Variants in CDKN2A observed in about 807,000 individuals in gnomAD.
The protein encoded by CDKN2A is cyclin-dependent kinase inhibitor 2A.
Under a neutral mutation model 11.1 loss-of-function variants are expected in CDKN2A, and 3 were observed. That is an observed-to-expected ratio of 0.27 (90% CI 0.12 to 0.70). The LOEUF is 0.70. CDKN2A is among the 30% of genes least tolerant of loss of function. CDKN2A has a pLI of 0.77. For synonymous variants in CDKN2A, 122 were observed against 108.1 expected, an observed-to-expected ratio of 1.13 and a Z score of -0.80; for missense variants, 265 against 233.6, an observed-to-expected ratio of 1.13 and a Z score of -0.88.
In CDKN2A at chr9:21,992,335, G is replaced by A. The variant is rs146277738; in HGVS notation, c.-4+1547C>T. On this transcript the variant is annotated intron_variant, in intron 2 of 3. Transcript: ENST00000494262. ...ATTACATATCATTATAATTAACACC[G>A]CTAGATTTTATATTATGTATATCAT... 74 of 882,884 alleles carry A rather than the reference G, an allele frequency of 8.4e-5. No individual in the cohort carries two copies. The East Asian group carries it at 6.9e-3, about 83-fold the overall frequency. 54.7% of individuals were successfully genotyped at this position (882,884 alleles called of 1,614,324 possible).
At chr9:21,970,472 G>C in intron 2 of CDKN2A, 1 of 401,244 alleles carries the variant, frequency 2.5e-6, no homozygotes, top group Non-Finnish European at 4.5e-6. Flanking sequence ...ACGCACAATT[G>C]GGTTTGGAAA....
At chr9:21,973,601 A>G (rs1022097252) in intron 1 of CDKN2A, among the ~76,000 whole-genome samples, 2 of 152,150 alleles carry the variant, frequency 1.3e-5, no homozygotes, top group African/African-American at 4.8e-5. Context: ...ATCCTCCCCT[A>G]ACTCCCTCAC....
chr9:21,968,798 T>C lies in CDKN2A; in HGVS notation c.458-556A>G. On this transcript the variant is annotated intron_variant, in intron 2 of 2. Transcript: ENST00000304494. This position sits in a 1 kb window ranked among gnomAD's most constrained non-coding sequence, Gnocchi z 4.7. ...TGAAACAAAATGGATGCTCATTTAT[T>C]CATGTGCTCTGGCTTCTGCCTTCCT... 1.3e-6 allele frequency: 2 copies of C among 1,535,630 alleles called. No homozygotes were observed. Among genetic ancestry groups the C allele is most frequent in the Non-Finnish European group, 8.7e-7 (1 of 1,146,442 alleles).
rs1820423250 is a variant in CDKN2A at position 21,991,290 on chromosome 9, C to T, written c.-4+2592G>A. On this transcript the variant is annotated intron_variant, in intron 2 of 3. Coordinates refer to the CDKN2A transcript ENST00000494262. The surrounding 1 kb of genome is among the most constrained non-coding windows in gnomAD (Gnocchi z 5.2). ...AAATTCATACACTTTCTTAAAGTAT[C>T]ATGAGTTTTTTTTTTTTTTTAAGCT... Among the ~76,000 whole-genome samples, 1 of 150,298 alleles carries T rather than the reference C, an allele frequency of 6.7e-6. No homozygotes were observed. Among genetic ancestry groups the T allele is most frequent in the African/African-American group, 2.5e-5 (1 of 40,454 alleles).
intron 2 of CDKN2A, chr9:21,969,579 T>C (rs969378043): frequency 2.5e-6 from 1 of 394,960 alleles, no homozygotes; most frequent in Non-Finnish European, 4.5e-6. Flanking sequence ...GGATTAAATA[T>C]ATTAGGTTTG....
At chr9:21,982,067 G>C (rs372769655) in intron 2 of CDKN2A, among the ~76,000 whole-genome samples, 2 of 152,098 alleles carry the variant, frequency 1.3e-5, no homozygotes, top group South Asian at 2.1e-4. Flanking sequence ...CTATAAGGAA[G>C]GTACTCTTTT....
chr9:21,968,658 A>G lies in CDKN2A; in HGVS notation c.458-416T>C. On this transcript the variant is annotated intron_variant, in intron 2 of 2. Coordinates refer to ENST00000304494, the MANE Select transcript of CDKN2A (RefSeq NM_000077.5). This position sits in a 1 kb window ranked among gnomAD's most constrained non-coding sequence, Gnocchi z 4.7. Reference sequence around the variant, plus strand: ...TTTTGCACCTGGTGCGGAGTGAGCCAGCCAGCTTGCGATAACCAAAGGGCG... The same window carrying G: ...TTTTGCACCTGGTGCGGAGTGAGCCGGCCAGCTTGCGATAACCAAAGGGCG... 2 of 1,534,880 alleles carry G rather than the reference A, an allele frequency of 1.3e-6. No individual in the cohort carries two copies. Among genetic ancestry groups the G allele is most frequent in the Non-Finnish European group, 1.7e-6 (2 of 1,146,038 alleles).
upstream of CDKN2A, among the ~76,000 whole-genome samples, chr9:21,976,370 C>T (rs1248999181): frequency 4.7e-4 from 38 of 81,208 alleles, no homozygotes; most frequent in Admixed American, 1.2e-3. Context: ...CAGAATGAGA[C>T]TCCGACTCAA....
At chr9:21,975,079 T>A (rs538489460), upstream of CDKN2A, 153 of 1,312,112 alleles carry the variant, frequency 1.2e-4, no homozygotes, top group Non-Finnish European at 1.4e-4. Flanking sequence ...GTGGCACCCC[T>A]GAAGTCGCCC....
chr9:21,974,744 C>T lies in CDKN2A; in HGVS notation c.84G>A (p.Val28=), dbSNP rs1461154048. 2 of 1,612,300 alleles carry T rather than the reference C, an allele frequency of 1.2e-6. No individual in the cohort carries two copies. Among genetic ancestry groups the T allele is most frequent in the South Asian group, 2.2e-5 (2 of 91,054 alleles). ...GCGCCCCCGCCTCCAGCAGCGCCCG[C>T]ACCTCCTCTACCCGACCCCGGGCCG... The part of the protein sequence containing the change: ...TAAARGRVEE[V]RALLEAGALP... The change falls in exon 1 of 3, where the codon GTG becomes GTA. Residue 28 remains valine, a synonymous_variant. Coordinates refer to ENST00000304494, the MANE Select transcript of CDKN2A (RefSeq NM_000077.5). The surrounding 1 kb of genome is among the most constrained non-coding windows in gnomAD (Gnocchi z 5.2).
chr9:21,977,827 T>C (rs1820078047), upstream of CDKN2A, among the ~76,000 whole-genome samples: 1 of 152,144 alleles, frequency 6.6e-6, no homozygotes, highest in Admixed American at 6.6e-5. Context: ...TTTCAGTGAA[T>C]TCAGGGATTT....
intron 2 of CDKN2A, among the ~76,000 whole-genome samples, chr9:21,969,946 C>T (rs1819623067): frequency 2.0e-5 from 3 of 152,256 alleles, no homozygotes; most frequent in Admixed American, 6.5e-5. Flanking sequence ...CCCAGCTCCC[C>T]TATGGCCCAA....
intron 1 of CDKN2A, 172 bp from the exon 2 acceptor site, chr9:21,971,380 C>T (rs551522281): frequency 8.2e-6 from 12 of 1,472,098 alleles, no homozygotes; most frequent in Non-Finnish European, 1.1e-5. Context: ...TCTATCCATT[C>T]TTCAGTACAC....
At chr9:21,977,038 C>G (rs529621987), upstream of CDKN2A, among the ~76,000 whole-genome samples, 53 of 152,286 alleles carry the variant, frequency 3.5e-4, no homozygotes, top group Non-Finnish European at 8.8e-5. Flanking sequence ...ACCTTGTAGA[C>G]CCAGTATATC....
At position 21,974,776 on chromosome 9, in the gene CDKN2A, T is replaced by C. The variant is rs758455611; in HGVS notation, c.52A>G (p.Thr18Ala). 1.2e-6 allele frequency: 2 copies of C among 1,606,008 alleles called. No individual in the cohort carries two copies. Among genetic ancestry groups the C allele is most frequent in the Non-Finnish European group, 1.7e-6 (2 of 1,178,792 alleles). ...SMEPSADWLA[T>A]AAARGRVEEV... ...TCTACCCGACCCCGGGCCGCGGCCG[T>C]GGCCAGCCAGTCAGCCGAAGGCTCC... The change falls in exon 1 of 3, where the codon ACG (threonine) becomes GCG (alanine). Residue 18 changes from threonine (T) to alanine (A), a missense_variant. By Grantham distance (58) the Thr-to-Ala change is moderately conservative. Transcript: ENST00000304494. The surrounding 1 kb of genome is among the most constrained non-coding windows in gnomAD (Gnocchi z 5.2).
upstream of CDKN2A, among the ~76,000 whole-genome samples, chr9:21,977,369 T>G (rs1281746074): frequency 1.3e-5 from 2 of 152,304 alleles, no homozygotes; most frequent in Non-Finnish European, 2.9e-5. Flanking sequence ...TTTTGTGTGT[T>G]TTTTTGAGAT....
At chr9:21,987,569 C>T (rs764600577) in intron 2 of CDKN2A, among the ~76,000 whole-genome samples, 1 of 152,034 alleles carries the variant, frequency 6.6e-6, no homozygotes, top group Non-Finnish European at 1.5e-5. Flanking sequence ...CTTTAAAACA[C>T]AAATATATCT....
At chr9:21,985,162 G>A (rs1275012735) in intron 2 of CDKN2A, among the ~76,000 whole-genome samples, 4 of 151,894 alleles carry the variant, frequency 2.6e-5, no homozygotes, top group Non-Finnish European at 5.9e-5. Flanking sequence ...TATCTTTTGT[G>A]TTGTTACGGT....
intron 2 of CDKN2A, chr9:21,992,004 G>A (rs1345994165): frequency 1.0e-5 from 10 of 984,412 alleles, no homozygotes; most frequent in Non-Finnish European, 1.2e-5. Context: ...AATGCACCAA[G>A]GTAGAAGTAA....
Sources: allele counts gnomAD v4.1 joint callset (sites outside exome capture counted in the v4.1 genomes callset), GRCh38; gene constraint gnomAD v4.1.1; non-coding constraint Gnocchi (gnomAD v3.1); transcripts MANE v1.5; gene names NCBI Gene and HGNC (gene_info 2026-07-23, HGNC 2026-07-21).